IFI44: variants seen among roughly 807,000 people sequenced by gnomAD.
IFI44 encodes the protein interferon-induced protein 44.
In IFI44, 42 loss-of-function variants were observed where a neutral mutation model predicts 45.0. That is an observed-to-expected ratio of 0.93 (90% CI 0.73 to 1.21). The LOEUF (loss-of-function observed/expected upper bound fraction) is 1.21. Among genes scored for constraint, IFI44 ranks in the 50% most tolerant of loss-of-function variants. The pLI, the probability that IFI44 is intolerant of heterozygous loss-of-function variation, is 0.00. For synonymous variants in IFI44, 221 were observed against 188.6 expected, an observed-to-expected ratio of 1.17 and a Z score of -1.41; for missense variants, 623 against 525.8, an observed-to-expected ratio of 1.18 and a Z score of -1.81.
At chr1:78,661,148 C>T (rs1424855257) in intron 7 of IFI44, among the ~76,000 whole-genome samples, 2 of 152,062 alleles carry the variant, frequency 1.3e-5, no homozygotes, top group Admixed American at 6.6e-5. Context: ...CTGCAACCTC[C>T]GCCTCCTGGG....
chr1:78,650,951 C>T lies in IFI44; in HGVS notation c.457+299C>T, dbSNP rs994259905. Among the ~76,000 whole-genome samples the T allele has an allele frequency of 7.2e-5, 11 of 152,268 alleles. No individual in the cohort carries two copies. In the East Asian group the frequency reaches 1.2e-3, roughly 16 times the overall value. On this transcript the variant is annotated intron_variant, in intron 2 of 8. Coordinates refer to ENST00000370747, the MANE Select transcript of IFI44 (RefSeq NM_006417.5). ...GTGACTTAAGTGAAAAAACTTACAA[C>T]GAAACCAGTTTATTTCCCTCATCAT...
intron 5 of IFI44, among the ~76,000 whole-genome samples, chr1:78,656,363 A>G (rs1184947279): frequency 6.6e-6 from 1 of 152,258 alleles, no homozygotes; most frequent in Non-Finnish European, 1.5e-5. Context: ...CGAATTAATC[A>G]GTAAGTTTAC....
At chr1:78,658,162 A>G (rs1234726488) in intron 5 of IFI44, among the ~76,000 whole-genome samples, 1 of 152,086 alleles carries the variant, frequency 6.6e-6, no homozygotes, top group Non-Finnish European at 1.5e-5. Flanking sequence ...TCTCTTTTCT[A>G]TCACTCGTAT....
At chr1:78,650,117 G>A (rs1019737316) in intron 1 of IFI44, 69 bp from the exon 2 acceptor site, 22 of 1,161,408 alleles carry the variant, frequency 1.9e-5, no homozygotes, top group Middle Eastern at 5.5e-4. Flanking sequence ...AGGCATAAAT[G>A]CAAATTTTAT....
At chr1:78,659,579 G>T (rs1342488691) in intron 6 of IFI44, 96 bp downstream of exon 6, 2 of 904,290 alleles carry the variant, frequency 2.2e-6, no homozygotes, top group African/African-American at 3.4e-5. Context: ...AAGAACTTAA[G>T]TCATTGCATA....
chr1:78,658,144 T>G (rs1052882549), intron 5 of IFI44, among the ~76,000 whole-genome samples: 1 of 152,106 alleles, frequency 6.6e-6, no homozygotes, highest in African/African-American at 2.4e-5. Flanking sequence ...TAGAAAGTTT[T>G]TACTTACTCT....
At chr1:78,661,538 T>C (rs1239461573) in intron 7 of IFI44, among the ~76,000 whole-genome samples, 1 of 152,024 alleles carries the variant, frequency 6.6e-6, no homozygotes, top group Non-Finnish European at 1.5e-5. Context: ...GTTGAGCCAG[T>C]GTGTTACTCT....
Position 78,655,241 on chromosome 1 carries a change from T to G in IFI44, c.690+32T>G. 1.9e-6 allele frequency: 3 copies of G among 1,594,930 alleles called. No individual in the cohort carries two copies. The South Asian group carries it at 3.4e-5, about 18-fold the overall frequency. ...ACATTTGAGGCCACCTAGCCTTTGC[T>G]TCTCTGTTCAAATCAATTATATTTC... On this transcript the variant is annotated intron_variant, in intron 4 of 8. Coordinates refer to ENST00000370747, the MANE Select transcript of IFI44 (RefSeq NM_006417.5).
chr1:78,651,930 A>C (rs1269222405), intron 2 of IFI44, among the ~76,000 whole-genome samples: 1 of 152,146 alleles, frequency 6.6e-6, no homozygotes, highest in Admixed American at 6.5e-5. Flanking sequence ...TGGCTCCCTA[A>C]ATCTTTCCTT....
At chr1:78,650,110 C>T in intron 1 of IFI44, 76 bp from the exon 2 acceptor site, 2 of 1,028,056 alleles carry the variant, frequency 1.9e-6, no homozygotes. Flanking sequence ...ATATAAGAGG[C>T]ATAAATGCAA....
At chr1:78,657,932 T>G (rs1051990901) in intron 5 of IFI44, among the ~76,000 whole-genome samples, 3 of 152,094 alleles carry the variant, frequency 2.0e-5, no homozygotes, top group Non-Finnish European at 4.4e-5. Context: ...AAAGTCTTTT[T>G]TATATTCTTT....
At position 78,662,710 on chromosome 1, in the gene IFI44, G is replaced by A. The variant is rs1647535014; in HGVS notation, c.1120G>A (p.Glu374Lys). ...RCEPVRSKLE[E>K]VQRKLGFALS... ...TTTAATTTCTGTATTGCAGCTAGAG[G>A]AAGTCCAAAGAAAACTTGGATTTGC... is the stretch of plus-strand genomic sequence containing the variant. Residue 374 changes from glutamate to lysine, a missense_variant, in exon 8 of 9, where the codon GAA (glutamate) becomes AAA (lysine). Coordinates refer to ENST00000370747, the MANE Select transcript of IFI44 (RefSeq NM_006417.5). 4 of 1,611,608 alleles carry A rather than the reference G, an allele frequency of 2.5e-6. No homozygotes were observed. Among genetic ancestry groups the A allele is most frequent in the South Asian group, 1.1e-5 (1 of 91,030 alleles).
chr1:78,653,565 C>T (rs1468558146), intron 2 of IFI44, among the ~76,000 whole-genome samples: 2 of 152,240 alleles, frequency 1.3e-5, no homozygotes, highest in Admixed American at 6.5e-5. Context: ...CTTATCCTTT[C>T]TGTTTTAAAT....
Position 78,660,450 on chromosome 1 carries a change from A to G in IFI44, c.1013-104A>G, listed in dbSNP as rs937330966. 3.6e-6 allele frequency: 3 copies of G among 842,766 alleles called. No individual in the cohort carries two copies. In the African/African-American group the frequency reaches 5.2e-5, roughly 15 times the overall value. 52.2% of individuals were successfully genotyped at this position (842,766 alleles called of 1,614,324 possible). The stretch of plus-strand genomic sequence containing the variant: ...GACCGGGGTGTGGGGGATCTTTCCA[A>G]ATCTGAAATTGTTCCATAGGTTGCC... On this transcript the variant is annotated intron_variant, in intron 6 of 8. Transcript: ENST00000370747.
At chr1:78,657,851 G>A (rs1647257765) in intron 5 of IFI44, among the ~76,000 whole-genome samples, 2 of 152,172 alleles carry the variant, frequency 1.3e-5, no homozygotes, top group East Asian at 3.9e-4. Context: ...CCATACTGAT[G>A]TAAAATGTAC....
At chr1:78,654,702 T>C (rs751293612) in intron 3 of IFI44, among the ~76,000 whole-genome samples, 7 of 151,938 alleles carry the variant, frequency 4.6e-5, no homozygotes, top group Non-Finnish European at 1.0e-4. Context: ...TGACACAATA[T>C]ATATGACTTC....
chr1:78,655,283 T>C lies in IFI44; in HGVS notation c.690+74T>C. The C allele has an allele frequency of 3.8e-6, 6 of 1,561,998 alleles. No individual in the cohort carries two copies. The South Asian group carries it at 7.2e-5, about 19-fold the overall frequency. ...TTATATTTCAAAAGCCTTTTGCAGA[T>C]CAACTTTATTACATATAGACTTCAT... On this transcript the variant is annotated intron_variant, in intron 4 of 8. Coordinates refer to ENST00000370747, the MANE Select transcript of IFI44 (RefSeq NM_006417.5).
chr1:78,657,856 A>G (rs565951771), intron 5 of IFI44, among the ~76,000 whole-genome samples: 4 of 152,132 alleles, frequency 2.6e-5, no homozygotes, highest in Admixed American at 6.6e-5. Context: ...CTGATGTAAA[A>G]TGTACCATCT....
At position 78,655,409 on chromosome 1, in the gene IFI44, G is replaced by T. The variant is rs781243337; in HGVS notation, c.738G>T (p.Pro246=). ...ACGGGAAAGATGGCAAATACCTGCC[G>T]TTTATTCTGTGTGACTCACTGGGGC... The part of the protein sequence containing the change: ...IRDGKDGKYL[P]FILCDSLGLS... Residue 246 remains proline, a synonymous_variant, in exon 5 of 9, where the codon CCG becomes CCT. Coordinates refer to ENST00000370747, the MANE Select transcript of IFI44 (RefSeq NM_006417.5). 1.9e-6 allele frequency: 3 copies of T among 1,613,716 alleles called. No individual in the cohort carries two copies. The highest frequency in any genetic ancestry group is 1.7e-4 in the Middle Eastern group (1 of 6,060).
Sources: gnomAD v4.1 joint callset for allele counts (sites outside exome capture counted in the v4.1 genomes callset) on GRCh38, gnomAD v4.1.1 for gene constraint, MANE v1.5 for transcripts, NCBI Gene and HGNC (gene_info 2026-07-23, HGNC 2026-07-21) for gene names.